L3MBTL3: variants seen among roughly 807,000 people sequenced by gnomAD.
L3MBTL3 encodes lethal(3)malignant brain tumor-like protein 3.
In L3MBTL3, 27 loss-of-function variants were observed where a neutral mutation model predicts 102.3. The observed-to-expected ratio is 0.26, with a 90% CI of 0.19 to 0.36. L3MBTL3 has a LOEUF of 0.36. L3MBTL3 is among the 10% of genes least tolerant of loss of function. The probability of loss-of-function intolerance (pLI) is 1.00; values close to 1 mark genes in which losing one functional copy is unlikely to be tolerated. For missense variants in L3MBTL3, 798 were observed against 955.3 expected, an observed-to-expected ratio of 0.84 and a Z score of 2.17; for synonymous variants, 340 against 320.9, an observed-to-expected ratio of 1.06 and a Z score of -0.64.
chr6:130,029,645 T>C lies in L3MBTL3; in HGVS notation c.-16+7340T>C, dbSNP rs1307539147. 2.0e-5 allele frequency among the ~76,000 whole-genome samples: 3 copies of C among 152,344 alleles called. No individual in the cohort carries two copies. In the East Asian group the frequency reaches 5.8e-4, roughly 29 times the overall value. Reference sequence around the variant, plus strand: ...ATACCATTGTTCTTGACTGCCCTGCTGCCCACCTTTCCTGTCCTCATCTCT... The same window carrying C: ...ATACCATTGTTCTTGACTGCCCTGCCGCCCACCTTTCCTGTCCTCATCTCT... On this transcript the variant is annotated intron_variant, in intron 2 of 22. Coordinates refer to ENST00000361794, the MANE Select transcript of L3MBTL3 (RefSeq NM_032438.4).
At chr6:130,054,390 A>T (rs956159443) in intron 7 of L3MBTL3, among the ~76,000 whole-genome samples, 1 of 152,180 alleles carries the variant, frequency 6.6e-6, no homozygotes, top group African/African-American at 2.4e-5. Context: ...GATATGATGT[A>T]TGTTTTAAAT....
chr6:130,056,294 G>A (rs1307529543), intron 8 of L3MBTL3, among the ~76,000 whole-genome samples: 2 of 152,018 alleles, frequency 1.3e-5, no homozygotes, highest in East Asian at 1.9e-4. Context: ...CGGCCCTGAA[G>A]CCCTTCCCTT....
intron 1 of L3MBTL3, chr6:130,019,403 C>G (rs1461753975): frequency 6.6e-6 from 1 of 150,732 alleles, no homozygotes; most frequent in Admixed American, 6.6e-5. Flanking sequence ...GCCCGTGTGG[C>G]CTTTGTGCCG....
chr6:130,101,460 C>A (rs1784679783), intron 18 of L3MBTL3, among the ~76,000 whole-genome samples: 1 of 152,202 alleles, frequency 6.6e-6, no homozygotes, highest in Admixed American at 6.5e-5. Flanking sequence ...CGAGGCTTCC[C>A]TTTCTCAGGC....
intron 20 of L3MBTL3, among the ~76,000 whole-genome samples, chr6:130,123,971 T>C (rs182603926): frequency 1.3e-4 from 20 of 152,162 alleles, no homozygotes; most frequent in African/African-American, 4.8e-4. Context: ...GAGAGTGTTT[T>C]GTGCAAAAGG....
At chr6:130,023,085 C>T (rs564215397) in intron 2 of L3MBTL3, among the ~76,000 whole-genome samples, 4 of 152,088 alleles carry the variant, frequency 2.6e-5, no homozygotes, top group African/African-American at 7.2e-5. Flanking sequence ...TTAATCTTCC[C>T]CTCTCCTTTT....
At chr6:130,082,455 A>G (rs1358457517) in intron 14 of L3MBTL3, among the ~76,000 whole-genome samples, 1 of 152,186 alleles carries the variant, frequency 6.6e-6, no homozygotes, top group Non-Finnish European at 1.5e-5. Flanking sequence ...ATAGATTACT[A>G]TTTTTATCAG....
chr6:130,060,632 A>C (rs1236451446), intron 10 of L3MBTL3, among the ~76,000 whole-genome samples: 2 of 151,948 alleles, frequency 1.3e-5, no homozygotes, highest in African/African-American at 2.4e-5. Flanking sequence ...ATTTGAACCC[A>C]TGTCTGTCTG....
At chr6:130,049,892 C>T (rs908409412) in intron 5 of L3MBTL3, 62 bp downstream of exon 5, 1 of 1,545,654 alleles carries the variant, frequency 6.5e-7, no homozygotes, top group Non-Finnish European at 8.7e-7. Context: ...CCCCTCCCCA[C>T]AAACCTGCTC....
intron 14 of L3MBTL3, among the ~76,000 whole-genome samples, chr6:130,079,724 T>C (rs533222495): frequency 3.3e-5 from 5 of 152,310 alleles, no homozygotes; most frequent in South Asian, 2.1e-4. Flanking sequence ...TCAAATTCTA[T>C]TGGAACAGCT....
At chr6:130,091,328 G>T (rs1046632688) in intron 16 of L3MBTL3, among the ~76,000 whole-genome samples, 1 of 152,068 alleles carries the variant, frequency 6.6e-6, no homozygotes, top group African/African-American at 2.4e-5. Context: ...CTTCTAAAAA[G>T]AAATCTAACT....
intron 13 of L3MBTL3, among the ~76,000 whole-genome samples, chr6:130,074,999 A>G (rs1383921911): frequency 6.6e-6 from 1 of 152,176 alleles, no homozygotes; most frequent in African/African-American, 2.4e-5. Context: ...TCTCCCTAAA[A>G]TCATGTTGAA....
intron 18 of L3MBTL3, among the ~76,000 whole-genome samples, chr6:130,102,762 CT>C (rs1249024049): frequency 2.0e-5 from 3 of 152,234 alleles, no homozygotes; most frequent in African/African-American, 7.2e-5. Context: ...CATTACAGCT[CT>C]GCTCGGGTGC....
chr6:130,070,121 G>GT (rs1173560279), intron 12 of L3MBTL3, among the ~76,000 whole-genome samples: 2 of 151,832 alleles, frequency 1.3e-5, no homozygotes, highest in Non-Finnish European at 2.9e-5. Flanking sequence ...TTTTTGTTTT[G>GT]TTTTGTTTTG....
intron 2 of L3MBTL3, among the ~76,000 whole-genome samples, 162 bp from the exon 3 acceptor site, chr6:130,042,518 GGAAAA>G (rs1780485654): frequency 6.6e-6 from 1 of 152,038 alleles, no homozygotes; most frequent in Non-Finnish European, 1.5e-5. Context: ...GATCGTACTA[GGAAAA>G]AAGTGTTAAT....
chr6:130,031,988 T>C (rs1584282725), intron 2 of L3MBTL3, among the ~76,000 whole-genome samples: 1 of 152,176 alleles, frequency 6.6e-6, no homozygotes, highest in Non-Finnish European at 1.5e-5. Context: ...CATAGCTCAC[T>C]GAAGCCTGAA....
chr6:130,112,010 C>T (rs1195820737), intron 19 of L3MBTL3, among the ~76,000 whole-genome samples: 5 of 152,230 alleles, frequency 3.3e-5, no homozygotes, highest in Admixed American at 2.6e-4. Context: ...TGAGATACCT[C>T]CTTTCCCTCT....
chr6:130,107,815 G>T (rs536182617), intron 19 of L3MBTL3, among the ~76,000 whole-genome samples: 1 of 152,130 alleles, frequency 6.6e-6, no homozygotes, highest in Non-Finnish European at 1.5e-5. Context: ...TCTCTTAGGG[G>T]TTTTTTTCCT....
intron 1 of L3MBTL3, among the ~76,000 whole-genome samples, chr6:130,019,845 G>A (rs1247296926): frequency 1.9e-4 from 26 of 138,434 alleles, no homozygotes; most frequent in Non-Finnish European, 3.2e-4. Flanking sequence ...GCGGGCCCGC[G>A]GCGGCCGTCC....
Sources: allele counts gnomAD v4.1 joint callset (sites outside exome capture counted in the v4.1 genomes callset), GRCh38; gene constraint gnomAD v4.1.1; transcripts MANE v1.5; gene names NCBI Gene and HGNC (gene_info 2026-07-23, HGNC 2026-07-21).